The following PTPRT variants were observed in gnomAD, a reference collection of about 807,000 sequenced individuals.
The protein encoded by PTPRT is receptor-type tyrosine-protein phosphatase T.
In PTPRT, 56 loss-of-function variants were observed where a neutral mutation model predicts 176.8. That is an observed-to-expected ratio of 0.32 (90% CI 0.26 to 0.40). PTPRT has a LOEUF of 0.40. Among genes scored for constraint, PTPRT ranks in the 10% least tolerant of loss-of-function variants. PTPRT has a pLI of 1.00. For synonymous variants in PTPRT, 783 were observed against 739.0 expected, an observed-to-expected ratio of 1.06 and a Z score of -0.96; for missense variants, 1,540 against 1,908.2, an observed-to-expected ratio of 0.81 and a Z score of 3.60.
chr20:42,096,648 G>C (rs140777265), intron 27 of PTPRT, among the ~76,000 whole-genome samples: 208 of 152,274 alleles, frequency 1.4e-3, no homozygotes, highest in African/African-American at 4.9e-3. Flanking sequence ...GAATGCAGTG[G>C]TGGGATCATA....
chr20:43,161,925 T>C (rs2014711171), intron 1 of PTPRT, among the ~76,000 whole-genome samples: 1 of 152,182 alleles, frequency 6.6e-6, no homozygotes, highest in Non-Finnish European at 1.5e-5. Context: ...TAGAACAACA[T>C]TTTAGAGCAT....
intron 1 of PTPRT, among the ~76,000 whole-genome samples, chr20:43,047,446 G>A (rs933199633): frequency 2.0e-5 from 3 of 152,084 alleles, no homozygotes. Context: ...CTTGGTTCTT[G>A]GGTCGCTTAA....
At chr20:42,792,684 C>T (rs1281647722) in intron 2 of PTPRT, among the ~76,000 whole-genome samples, 7 of 152,126 alleles carry the variant, frequency 4.6e-5, no homozygotes, top group Non-Finnish European at 8.8e-5. Context: ...CAAAAATAAA[C>T]CTTAAGACCA....
At chr20:42,774,580 G>A (rs1489741184) in intron 4 of PTPRT, among the ~76,000 whole-genome samples, 8 of 152,210 alleles carry the variant, frequency 5.3e-5, no homozygotes, top group African/African-American at 1.9e-4. Context: ...ATGTGTACAT[G>A]CAGGCTCTAT....
chr20:43,155,844 T>A (rs954143446), intron 1 of PTPRT, among the ~76,000 whole-genome samples: 1 of 152,190 alleles, frequency 6.6e-6, no homozygotes, highest in Admixed American at 6.5e-5. Context: ...TTAAAATAAA[T>A]TTTTTTAATG....
At position 43,036,919 on chromosome 20, in the gene PTPRT, G is replaced by A. The variant is rs115157570; in HGVS notation, c.89-150987C>T. Among the ~76,000 whole-genome samples the A allele has an allele frequency of 4.2e-3, 632 of 152,278 alleles. 4 individuals carry two copies. The highest frequency in any genetic ancestry group is 0.015 in the African/African-American group (611 of 41,566). On this transcript the variant is annotated intron_variant, in intron 1 of 30. Transcript: ENST00000373187. ...ATGCAGGAAAATGAATTAATAAACT[G>A]AAAAGAATGTTTAATAAATCTGAAA...
rs143402472 is a variant in PTPRT, at chr20:42,876,807, A to G, written c.214+9000T>C. Among the ~76,000 whole-genome samples the G allele has an allele frequency of 2.1e-3, 313 of 152,288 alleles. 5 individuals carry two copies. Among genetic ancestry groups the G allele is most frequent in the African/African-American group, 7.2e-3 (301 of 41,578 alleles). ...GGAATTCAGCAACGAGAGGCAGTCC[A>G]TACCCTGCAGCCACTCACAGGCCTA... On this transcript the variant is annotated intron_variant, in intron 2 of 30. Coordinates refer to ENST00000373187, the MANE Select transcript of PTPRT (RefSeq NM_007050.6).
intron 8 of PTPRT, 134 bp downstream of exon 8, chr20:42,472,132 A>G: frequency 1.0e-6 from 1 of 1,002,162 alleles, no homozygotes; most frequent in Non-Finnish European, 1.5e-6. Context: ...CCTTCATTGA[A>G]GGCCTAAGAA....
At chr20:42,616,014 T>C (rs1289699354) in intron 7 of PTPRT, among the ~76,000 whole-genome samples, 2 of 129,132 alleles carry the variant, frequency 1.5e-5, no homozygotes, top group African/African-American at 7.5e-5. Context: ...TCCTTGCCCA[T>C]GCCTATGTCC....
At chr20:42,753,852 G>C (rs188821820) in intron 6 of PTPRT, among the ~76,000 whole-genome samples, 2 of 152,326 alleles carry the variant, frequency 1.3e-5, no homozygotes, top group Admixed American at 1.3e-4. Flanking sequence ...CTGAATGGGG[G>C]CATATAAGCA....
At chr20:42,195,589 G>C (rs1991182775) in intron 16 of PTPRT, among the ~76,000 whole-genome samples, 2 of 152,128 alleles carry the variant, frequency 1.3e-5, no homozygotes, top group South Asian at 4.1e-4. Context: ...TGTAGCCTGA[G>C]GACGTCAGAT....
chr20:43,162,633 C>T (rs2014729819), intron 1 of PTPRT, among the ~76,000 whole-genome samples: 1 of 150,406 alleles, frequency 6.6e-6, no homozygotes, highest in African/African-American at 2.4e-5. Flanking sequence ...CTCCATGGTC[C>T]ATCACTCTGG....
At chr20:43,109,512 C>T (rs2012769566) in intron 1 of PTPRT, among the ~76,000 whole-genome samples, 1 of 152,082 alleles carries the variant, frequency 6.6e-6, no homozygotes, top group African/African-American at 2.4e-5. Flanking sequence ...ACTCAGTATA[C>T]ATTTTTTTCA....
chr20:43,169,583 T>C (rs1002293378), intron 1 of PTPRT, among the ~76,000 whole-genome samples: 3 of 152,210 alleles, frequency 2.0e-5, no homozygotes, highest in African/African-American at 7.2e-5. Flanking sequence ...GTCATCCTAA[T>C]CCAAGAGTCA....
chr20:42,165,414 A>G (rs532374627), intron 16 of PTPRT, among the ~76,000 whole-genome samples: 3 of 152,364 alleles, frequency 2.0e-5, no homozygotes, highest in Non-Finnish European at 4.4e-5. Context: ...GTGTGCGTGA[A>G]TAAGCCTAAG....
chr20:43,034,342 C>A (rs1480038059), intron 1 of PTPRT, among the ~76,000 whole-genome samples: 1 of 152,084 alleles, frequency 6.6e-6, no homozygotes, highest in Non-Finnish European at 1.5e-5. Context: ...ATGGCTGAAA[C>A]TAACCAGGAG....
chr20:42,701,586 G>T (rs990926650), intron 6 of PTPRT, among the ~76,000 whole-genome samples: 1 of 152,174 alleles, frequency 6.6e-6, no homozygotes, highest in Non-Finnish European at 1.5e-5. Context: ...TTTACATTGA[G>T]AATTGCAAAT....
At chr20:42,123,281 T>C (rs1195400175) in intron 19 of PTPRT, among the ~76,000 whole-genome samples, 3 of 152,226 alleles carry the variant, frequency 2.0e-5, no homozygotes, top group African/African-American at 7.2e-5. Context: ...TGGAGTTAGA[T>C]GGCTTGGATT....
In PTPRT at chr20:42,149,713, C is replaced by T. The variant is rs774543240; in HGVS notation, c.2683-7711G>A. Among the ~76,000 whole-genome samples, 22 of 152,278 alleles carry T rather than the reference C, an allele frequency of 1.4e-4. No individual in the cohort carries two copies. The South Asian group carries it at 1.5e-3, about 10-fold the overall frequency. On this transcript the variant is annotated intron_variant, in intron 17 of 30. Transcript: ENST00000373187. ...TGCTGGGATTACAGGCGTGAGCCAC[C>T]GCGCCTGACCCAGAAACTTTTTAAG... is the stretch of plus-strand genomic sequence containing the variant.
Sources: allele counts gnomAD v4.1 joint callset (sites outside exome capture counted in the v4.1 genomes callset), GRCh38; gene constraint gnomAD v4.1.1; transcripts MANE v1.5; gene names NCBI Gene and HGNC (gene_info 2026-07-23, HGNC 2026-07-21).